The following GBP3 variants were observed in gnomAD, a reference collection of about 807,000 sequenced individuals.
GBP3 encodes the protein guanylate-binding protein 3.
A neutral mutation model predicts 62.4 loss-of-function variants in GBP3; 55 were observed. The observed-to-expected ratio is 0.88, with a 90% CI of 0.71 to 1.10. The LOEUF is 1.10. Among genes scored for constraint, GBP3 ranks in the 50% least tolerant of loss-of-function variants. GBP3 has a pLI of 0.00. For missense variants in GBP3, 605 were observed against 690.6 expected (o/e 0.88, Z 1.39); for synonymous variants, 208 against 259.2 (o/e 0.80, Z 1.90).
At chr1:89,015,445 G>A (rs1331203966) in intron 2 of GBP3, 31 bp from the exon 3 acceptor site, 3 of 1,599,898 alleles carry the variant, frequency 1.9e-6, no homozygotes, top group East Asian at 2.2e-5. Context: ...AAGAAGGGCT[G>A]GAGGTTTAAT....
intron 2 of GBP3, among the ~76,000 whole-genome samples, chr1:89,017,283 C>T (rs1348173657): frequency 1.3e-5 from 2 of 148,338 alleles, no homozygotes; most frequent in Admixed American, 1.3e-4. Context: ...CAACAAATGA[C>T]ATTGGGAAAA....
At position 89,007,762 on chromosome 1, in the gene GBP3, T is replaced by G; in HGVS notation, c.1750A>C (p.Lys584Gln). ...TTATGCGACATATATCTCTTGGTTT[T>G]TTTTTTCAGGGTCTTCTGTAGCTTT... is the stretch of plus-strand genomic sequence containing the variant. ...IQKLQKTLKK[K>Q]TKRYMSHKLK... Residue 584 changes from lysine (K) to glutamine (Q), a missense_variant, in exon 11 of 11, where the codon AAA becomes CAA. Physicochemically the swap from Lys to Gln is moderately conservative, Grantham distance 53. Coordinates refer to ENST00000370481, the MANE Select transcript of GBP3 (RefSeq NM_018284.3). 3 of 1,613,686 alleles carry G rather than the reference T, an allele frequency of 1.9e-6. No homozygotes were observed. Among genetic ancestry groups the G allele is most frequent in the Non-Finnish European group, 2.5e-6 (3 of 1,179,820 alleles).
intron 7 of GBP3, 67 bp downstream of exon 7, chr1:89,011,680 A>G (rs1678574770): frequency 3.5e-6 from 5 of 1,410,608 alleles, no homozygotes; most frequent in Non-Finnish European, 4.9e-6. Flanking sequence ...ATAAATACCA[A>G]TTTCATTTCT....
chr1:89,021,544 A>ACACACACCCCCCCCC (rs761151308), intron 1 of GBP3, among the ~76,000 whole-genome samples: 2 of 140,946 alleles, frequency 1.4e-5, no homozygotes, highest in East Asian at 2.1e-4. Flanking sequence ...ACACACACAC[A>ACACACACCCCCCCCC]CCCCAAAAAA....
At position 89,021,502 on chromosome 1, in the gene GBP3, G is replaced by GCGCA. The variant is rs933766882; in HGVS notation, c.-22-760_-22-759insTGCG. On this transcript the variant is annotated intron_variant, in intron 1 of 10. Transcript: ENST00000370481. Reference sequence around the variant, plus strand: ...GAATGTTGCTAAGAAACACGCATGCGCGCGCGCGCACACACACACACACAC... The same window carrying GCGCA: ...GAATGTTGCTAAGAAACACGCATGCGCGCACGCGCGCGCACACACACACACACAC... 4.4e-4 allele frequency among the ~76,000 whole-genome samples: 32 copies of GCGCA among 72,084 alleles called. No individual in the cohort carries two copies. The South Asian group carries it at 0.015, about 33-fold the overall frequency. The allele number at this position is 72,084 out of a possible 152,430, so 47.3% of individuals were successfully genotyped here. A position where few individuals can be genotyped will look rare whatever the true frequency, so the allele number is the denominator to read the frequency against.
Position 89,009,104 on chromosome 1 carries a change from G to C in GBP3, c.1502C>G (p.Ala501Gly), listed in dbSNP as rs755539053. The change falls in exon 10 of 11, where the codon GCA becomes GGA. Residue 501 changes from alanine (A) to glycine (G), a missense_variant. By Grantham distance (60) the Ala-to-Gly change is moderately conservative (BLOSUM62 0). Around this residue, in one of 3 missense-constraint regions of GBP3, gnomAD observed 160 missense variants for 147.8 expected, o/e 1.08. Coordinates refer to ENST00000370481, the MANE Select transcript of GBP3 (RefSeq NM_018284.3). ...CVKAESAQAS[A>G]KMVEEMQIKY... is the part of the protein sequence containing the mutation. ...TATTTGCATTTCCTCCACCATTTTT[G>C]CTGAAGCCTGTGCAGATTCAGCTTT... 1.9e-5 allele frequency: 30 copies of C among 1,613,900 alleles called. No homozygotes were observed. Among genetic ancestry groups the C allele is most frequent in the Non-Finnish European group, 2.5e-5 (29 of 1,179,984 alleles).
Position 89,011,844 on chromosome 1 carries a change from A to T in GBP3, c.1052T>A (p.Leu351Gln), listed in dbSNP as rs1398543655. Residue 351 changes from leucine to glutamine, a missense_variant, in exon 7 of 11, where the codon CTG becomes CAG. Physicochemically the swap from Leu to Gln is moderately radical, Grantham distance 113. Coordinates refer to ENST00000370481, the MANE Select transcript of GBP3 (RefSeq NM_018284.3). Reference sequence around the variant, plus strand: ...CTCACTAACCCTGTGCAGGTCCAGCAGCTCCTGGAGGGTTTCTGCGGGCAG... The same window carrying T: ...CTCACTAACCCTGTGCAGGTCCAGCTGCTCCTGGAGGGTTTCTGCGGGCAG... The part of the protein sequence containing the change: ...VQLPAETLQE[L>Q]LDLHRVSERE... 1 of 1,462,120 alleles carries T rather than the reference A, an allele frequency of 6.8e-7. No individual in the cohort carries two copies. The allele number at this position is 1,462,120 out of a possible 1,614,324, so 90.6% of individuals were successfully genotyped here.
intron 1 of GBP3, among the ~76,000 whole-genome samples, chr1:89,021,750 A>G (rs941375863): frequency 1.1e-4 from 16 of 146,878 alleles, no homozygotes; most frequent in African/African-American, 3.7e-4. Context: ...AAGAGGAGAA[A>G]TAGAAGTGAG....
At chr1:89,021,295 T>C (rs1334062838) in intron 1 of GBP3, among the ~76,000 whole-genome samples, 1 of 152,156 alleles carries the variant, frequency 6.6e-6, no homozygotes, top group Non-Finnish European at 1.5e-5. Flanking sequence ...GTGGAACCAA[T>C]GTAACATACT....
At chr1:89,020,227 G>T in intron 2 of GBP3, 1 of 415,318 alleles carries the variant, frequency 2.4e-6, no homozygotes, top group Non-Finnish European at 4.6e-6. Context: ...GAAAGAGCAA[G>T]ACCTTGTCTC....
chr1:89,007,681 T>C lies in GBP3; in HGVS notation c.*43A>G, dbSNP rs1432664552. 1 of 1,556,730 alleles carries C rather than the reference T, an allele frequency of 6.4e-7. No homozygotes were observed. The highest frequency in any genetic ancestry group is 1.2e-5 in the South Asian group (1 of 81,488). On this transcript the variant is annotated 3_prime_UTR_variant, in exon 11 of 11. Coordinates refer to ENST00000370481, the MANE Select transcript of GBP3 (RefSeq NM_018284.3). ...CACTTGTTCCAAATTCTAAAATTGT[T>C]TCAGTTATGCCTTGGGTTAGGATGA...
At chr1:89,015,547 T>A in intron 2 of GBP3, 133 bp from the exon 3 acceptor site, 1 of 670,214 alleles carries the variant, frequency 1.5e-6, no homozygotes. Flanking sequence ...ACGTTACTTA[T>A]AATCAGAAAA....
At chr1:89,018,775 A>C (rs1175946648) in intron 2 of GBP3, among the ~76,000 whole-genome samples, 1 of 152,106 alleles carries the variant, frequency 6.6e-6, no homozygotes, top group Non-Finnish European at 1.5e-5. Context: ...ACCCTCACTA[A>C]ACTTAATAAT....
chr1:89,021,544 A>ACACACACACACAC (rs761151308), intron 1 of GBP3, among the ~76,000 whole-genome samples: 1 of 140,948 alleles, frequency 7.1e-6, no homozygotes, highest in Non-Finnish European at 1.6e-5. Context: ...ACACACACAC[A>ACACACACACACAC]CCCCAAAAAA....
intron 8 of GBP3, among the ~76,000 whole-genome samples, chr1:89,010,657 C>G (rs1229793162): frequency 2.9e-5 from 4 of 138,800 alleles, no homozygotes; most frequent in African/African-American, 9.9e-5. Flanking sequence ...AGCAATCTGC[C>G]TGCCTCTGCC....
In GBP3 at chr1:89,015,361, ACCACAT is replaced by A; in HGVS notation, c.238_243del (p.Met80_Trp81del). ...TCTGGCTTTTTGGGGTGAGGCACAC[ACCACAT>A]CCAGATTCCTTTGGTGTGAGATTTC... On this transcript the variant is annotated inframe_deletion, in exon 3 of 11. Coordinates refer to ENST00000370481, the MANE Select transcript of GBP3 (RefSeq NM_018284.3). 1 of 1,613,506 alleles carries A rather than the reference ACCACAT, an allele frequency of 6.2e-7. No homozygotes were observed. The highest frequency in any genetic ancestry group is 1.1e-5 in the South Asian group (1 of 91,028).
chr1:89,022,463 A>T (rs1215519662), intron 1 of GBP3, among the ~76,000 whole-genome samples: 1 of 152,176 alleles, frequency 6.6e-6, no homozygotes, highest in Non-Finnish European at 1.5e-5. Flanking sequence ...CAACACAAGC[A>T]CTGTAGTGGC....
At chr1:89,016,596 T>G (rs1471385696) in intron 2 of GBP3, among the ~76,000 whole-genome samples, 1 of 152,186 alleles carries the variant, frequency 6.6e-6, no homozygotes, top group Non-Finnish European at 1.5e-5. Flanking sequence ...AATTTTTTTT[T>G]TTTGGAGACA....
Position 89,007,758 on chromosome 1 carries a change from GT to G in GBP3, c.1753del (p.Thr585ProfsTer9), listed in dbSNP as rs548474277. ...TAGCTTATGCGACATATATCTCTTG[GT>G]TTTTTTTTTCAGGGTCTTCTGTAGC... Reference protein sequence around the residue: ...QKLQKTLKKKTKRYMSHKLKI With the variant: ...QKLQKTLKKKXKRYMSHKLKI On this transcript the variant is annotated frameshift_variant, in exon 11 of 11. Coordinates refer to ENST00000370481, the MANE Select transcript of GBP3 (RefSeq NM_018284.3). LOFTEE classifies it low-confidence loss of function (END_TRUNC). The G allele has an allele frequency of 5.5e-5, 80 of 1,447,108 alleles. No individual in the cohort carries two copies. The highest frequency in any genetic ancestry group is 2.6e-4 in the Admixed American group (14 of 54,454). The allele number at this position is 1,447,108 out of a possible 1,614,324, so 89.6% of individuals were successfully genotyped here. A position where few individuals can be genotyped will look rare whatever the true frequency, so the allele number is the denominator to read the frequency against.
Sources: allele counts gnomAD v4.1 joint callset (sites outside exome capture counted in the v4.1 genomes callset), GRCh38; gene constraint gnomAD v4.1.1; regional missense constraint gnomAD v4.1.1; transcripts MANE v1.5; gene names NCBI Gene and HGNC (gene_info 2026-07-23, HGNC 2026-07-21).